MEMO1: variants seen among roughly 807,000 people sequenced by gnomAD.
MEMO1 encodes protein MEMO1.
Under a neutral mutation model 45.2 loss-of-function variants are expected in MEMO1, and 6 were observed. That is an observed-to-expected ratio of 0.13 (90% confidence interval 0.07 to 0.26). The LOEUF (loss-of-function observed/expected upper bound fraction) is 0.26, where lower values mean the gene tolerates loss of function less well. MEMO1 is among the 10% of genes least tolerant of loss of function. The probability of loss-of-function intolerance (pLI) is 1.00; values close to 1 mark genes in which losing one functional copy is unlikely to be tolerated. For missense variants in MEMO1, 184 were observed against 370.5 expected (o/e 0.50, Z 4.13); for synonymous variants, 78 against 124.3 (o/e 0.63, Z 2.48).
intron 2 of MEMO1, among the ~76,000 whole-genome samples, chr2:31,959,043 A>G (rs1324041545): frequency 2.0e-5 from 3 of 152,226 alleles, no homozygotes; most frequent in African/African-American, 7.2e-5. Context: ...AAATGGGCCT[A>G]GATGAATAAT....
intron 3 of MEMO1, among the ~76,000 whole-genome samples, chr2:31,938,906 C>T (rs1391645933): frequency 1.3e-5 from 2 of 151,044 alleles, no homozygotes; most frequent in Non-Finnish European, 2.9e-5. Context: ...CTCATCTCAG[C>T]TTCTGGAGTA....
intron 7 of MEMO1, among the ~76,000 whole-genome samples, chr2:31,889,431 A>G (rs1676628381): frequency 2.0e-5 from 3 of 152,104 alleles, no homozygotes; most frequent in Admixed American, 1.3e-4. Flanking sequence ...TTAAAAAGAA[A>G]GAAAAACCAT....
chr2:31,968,251 G>C lies in MEMO1; in HGVS notation c.62-24868C>G, dbSNP rs180927016. On this transcript the variant is annotated intron_variant, in intron 2 of 9. Transcript: ENST00000404530. The stretch of plus-strand genomic sequence containing the variant: ...TTTCCTCATCTATAAAAAAAGGAAT[G>C]ATGAAAATGCTTTGTAGGGGAAATA... Among the ~76,000 whole-genome samples the C allele has an allele frequency of 2.0e-5, 3 of 152,330 alleles. No individual in the cohort carries two copies. The East Asian group carries it at 5.8e-4, about 29-fold the overall frequency.
At chr2:31,957,238 C>T (rs186690277) in intron 2 of MEMO1, among the ~76,000 whole-genome samples, 4 of 151,566 alleles carry the variant, frequency 2.6e-5, no homozygotes, top group African/African-American at 4.9e-5. Flanking sequence ...TCTTTCAGAT[C>T]GTTTGTATTT....
rs558861891 is a variant in MEMO1, at chr2:31,887,421, T to C, written c.581-3959A>G. On this transcript the variant is annotated intron_variant, in intron 7 of 9. Transcript: ENST00000404530. Reference sequence around the variant, plus strand: ...TTTCAGATACATAAAATAAAAATTATACTGTCACACATTTACTTAATCACA... The same window carrying C: ...TTTCAGATACATAAAATAAAAATTACACTGTCACACATTTACTTAATCACA... Among the ~76,000 whole-genome samples the C allele has an allele frequency of 4.6e-5, 7 of 152,300 alleles. No individual in the cohort carries two copies. In the South Asian group the frequency reaches 1.0e-3, roughly 23 times the overall value.
At chr2:31,937,181 T>A (rs1454822776) in intron 3 of MEMO1, among the ~76,000 whole-genome samples, 1 of 152,186 alleles carries the variant, frequency 6.6e-6, no homozygotes, top group African/African-American at 2.4e-5. Flanking sequence ...AGATTCCTGT[T>A]TTGATAAAAA....
chr2:31,893,412 T>C, intron 6 of MEMO1: 1 of 1,035,764 alleles, frequency 9.7e-7, no homozygotes, highest in Non-Finnish European at 1.2e-6. Context: ...AATAACTCCC[T>C]GACTGAATAG....
rs1218431688 is a variant in MEMO1, at chr2:32,003,118, C to T, written c.61+7069G>A. ...AAGATGTATTATTTTGACACTCTAT[C>T]TTTTTTTAATCCAATCAAACTTCCA... On this transcript the variant is annotated intron_variant, in intron 2 of 9. Transcript: ENST00000404530. Among the ~76,000 whole-genome samples the T allele has an allele frequency of 3.9e-5, 6 of 152,206 alleles. No individual in the cohort carries two copies. In the East Asian group the frequency reaches 5.8e-4, roughly 15 times the overall value.
chr2:31,869,519 A>G (rs1673351812), intron 9 of MEMO1, among the ~76,000 whole-genome samples: 1 of 152,130 alleles, frequency 6.6e-6, no homozygotes, highest in Admixed American at 6.5e-5. Context: ...AGTAAATAAA[A>G]CCAAAAAATT....
intron 6 of MEMO1, among the ~76,000 whole-genome samples, chr2:31,913,357 A>G (rs1043068687): frequency 5.3e-4 from 81 of 152,146 alleles, no homozygotes; most frequent in African/African-American, 1.9e-3. Context: ...GGGAAGCTTA[A>G]AAGCTAAATG....
chr2:31,949,047 A>G (rs1170579021), intron 2 of MEMO1, among the ~76,000 whole-genome samples: 2 of 152,206 alleles, frequency 1.3e-5, no homozygotes, highest in African/African-American at 4.8e-5. Context: ...TGCAAATCAA[A>G]ACTACAATGA....
chr2:31,876,630 T>A lies in MEMO1; in HGVS notation c.658-6678A>T, dbSNP rs561735532. ...CCTAATTGACATCTCTACTTAGATG[T>A]CTTAAAGGCAACAGCAAACATAACA... On this transcript the variant is annotated intron_variant, in intron 8 of 9. Transcript: ENST00000404530. Among the ~76,000 whole-genome samples, 4 of 152,262 alleles carry A rather than the reference T, an allele frequency of 2.6e-5. No homozygotes were observed. The South Asian group carries it at 8.3e-4, about 32-fold the overall frequency.
intron 6 of MEMO1, among the ~76,000 whole-genome samples, chr2:31,904,505 G>C (rs1558491190): frequency 6.6e-6 from 1 of 152,162 alleles, no homozygotes; most frequent in South Asian, 2.1e-4. Flanking sequence ...CCACATAAGG[G>C]AGAACAGTAC....
chr2:32,001,326 A>G (rs988950827), intron 2 of MEMO1, among the ~76,000 whole-genome samples: 1 of 151,830 alleles, frequency 6.6e-6, no homozygotes, highest in Admixed American at 6.6e-5. Context: ...GGCTTGAGCC[A>G]TCGCACCCGG....
chr2:31,959,902 A>G (rs904727908), intron 2 of MEMO1, among the ~76,000 whole-genome samples: 1 of 152,184 alleles, frequency 6.6e-6, no homozygotes, highest in Non-Finnish European at 1.5e-5. Context: ...CCTGAATCTA[A>G]AAGTGCATTT....
chr2:32,000,897 G>A (rs1673221092), intron 2 of MEMO1, among the ~76,000 whole-genome samples: 1 of 151,754 alleles, frequency 6.6e-6, no homozygotes, highest in Admixed American at 6.6e-5. Context: ...TAAACTCCAG[G>A]AATTTTAGTC....
At position 31,989,717 on chromosome 2, in the gene MEMO1, A is replaced by T. The variant is rs577874045; in HGVS notation, c.61+20470T>A. ...TAGATATATTAAATATATGTAACTT[A>T]TCAACTATATCTCAATAAAATGATT... On this transcript the variant is annotated intron_variant, in intron 2 of 9. Transcript: ENST00000404530. Among the ~76,000 whole-genome samples, 3 of 152,342 alleles carry T rather than the reference A, an allele frequency of 2.0e-5. No individual in the cohort carries two copies. The South Asian group carries it at 6.2e-4, about 32-fold the overall frequency.
chr2:31,957,156 A>G (rs1002457768), intron 2 of MEMO1, among the ~76,000 whole-genome samples: 1 of 152,086 alleles, frequency 6.6e-6, no homozygotes, highest in Non-Finnish European at 1.5e-5. Context: ...AAAAAAAAAA[A>G]AAAGAAATGT....
At chr2:31,909,370 C>T (rs1285936919) in intron 6 of MEMO1, among the ~76,000 whole-genome samples, 1 of 152,120 alleles carries the variant, frequency 6.6e-6, no homozygotes, top group Admixed American at 6.5e-5. Context: ...CTGAAGTCTC[C>T]ACCAAAAACC....
Sources: allele counts gnomAD v4.1 joint callset (sites outside exome capture counted in the v4.1 genomes callset), GRCh38; gene constraint gnomAD v4.1.1; transcripts MANE v1.5; gene names NCBI Gene and HGNC (gene_info 2026-07-23, HGNC 2026-07-21).